The following TGFA variants were observed in gnomAD, a reference collection of about 807,000 sequenced individuals.
TGFA encodes protransforming growth factor alpha.
A neutral mutation model predicts 21.7 loss-of-function variants in TGFA; 12 were observed. The ratio of observed to expected loss-of-function variants is 0.55; its 90% CI spans 0.35 to 0.90. The LOEUF is 0.90. TGFA is among the 40% of genes least tolerant of loss of function. The probability of loss-of-function intolerance (pLI) is 0.01; values close to 1 mark genes in which losing one functional copy is unlikely to be tolerated. For missense variants in TGFA, 178 were observed against 210.8 expected, an observed-to-expected ratio of 0.84 and a Z score of 0.96; for synonymous variants, 79 against 88.1, an observed-to-expected ratio of 0.90 and a Z score of 0.58.
At chr2:70,515,561 C>T (rs1447827590) in intron 1 of TGFA, among the ~76,000 whole-genome samples, 1 of 152,122 alleles carries the variant, frequency 6.6e-6, no homozygotes, top group African/African-American at 2.4e-5. Flanking sequence ...GCTGTCCCAA[C>T]CCAAGATGGA....
At chr2:70,550,866 C>T (rs1673480496) in intron 1 of TGFA, among the ~76,000 whole-genome samples, 1 of 152,170 alleles carries the variant, frequency 6.6e-6, no homozygotes, top group Non-Finnish European at 1.5e-5. Flanking sequence ...AACAAAAAAA[C>T]CCTCCAGATT....
chr2:70,488,014 TG>T (rs782081952), intron 2 of TGFA, among the ~76,000 whole-genome samples: 9 of 152,242 alleles, frequency 5.9e-5, no homozygotes, highest in Non-Finnish European at 1.3e-4. Flanking sequence ...TTCGTGGCAA[TG>T]TATAAGAATC....
chr2:70,470,747 A>G (rs1192164796), intron 2 of TGFA, among the ~76,000 whole-genome samples: 2 of 152,160 alleles, frequency 1.3e-5, no homozygotes, highest in Non-Finnish European at 2.9e-5. Flanking sequence ...CTTAGAGTGC[A>G]AGTTCCTGGT....
At chr2:70,485,164 T>A (rs1251412016) in intron 2 of TGFA, among the ~76,000 whole-genome samples, 4 of 152,116 alleles carry the variant, frequency 2.6e-5, no homozygotes, top group African/African-American at 9.7e-5. Context: ...CAATACTGTG[T>A]TCTGTAGCCT....
At chr2:70,531,736 G>A (rs1553503739) in intron 1 of TGFA, among the ~76,000 whole-genome samples, 1 of 152,164 alleles carries the variant, frequency 6.6e-6, no homozygotes, top group Non-Finnish European at 1.5e-5. Flanking sequence ...AACAATATCT[G>A]CTGCTATGTC....
Position 70,465,754 on chromosome 2 carries a change from G to T in TGFA, c.95-18C>A. The T allele has an allele frequency of 6.2e-7, 1 of 1,613,240 alleles. No individual in the cohort carries two copies. The highest frequency in any genetic ancestry group is 8.5e-7 in the Non-Finnish European group (1 of 1,179,824). On this transcript the variant is annotated intron_variant, in intron 2 of 5. Transcript: ENST00000295400. Reference sequence around the variant, plus strand: ...CGGGTCTGCTGGGGAGAGGAAAGATGCAGGGCTCAGATCCAGGAACAGCTG... The same window carrying T: ...CGGGTCTGCTGGGGAGAGGAAAGATTCAGGGCTCAGATCCAGGAACAGCTG...
intron 3 of TGFA, among the ~76,000 whole-genome samples, chr2:70,458,804 C>T (rs1670320040): frequency 6.6e-6 from 1 of 152,232 alleles, no homozygotes; most frequent in Admixed American, 6.5e-5. Context: ...CTATGCCCAC[C>T]TTTCTGACTG....
intron 2 of TGFA, among the ~76,000 whole-genome samples, chr2:70,495,706 G>A (rs11466228): frequency 0.057 from 8,667 of 152,110 alleles, 299 homozygotes; most frequent in Middle Eastern, 0.13. Context: ...TATGATTATT[G>A]TTATTTGAGG....
At chr2:70,484,016 T>A (rs7579741) in intron 2 of TGFA, among the ~76,000 whole-genome samples, 9,386 of 152,310 alleles carry the variant, frequency 0.062, 365 homozygotes, top group Middle Eastern at 0.12. Context: ...TGGCCTGGCC[T>A]TATTCCCTTG....
chr2:70,543,017 C>CGCTTGAACCCGGGAGGTGGAG (rs1244013632), intron 1 of TGFA, among the ~76,000 whole-genome samples: 7 of 151,506 alleles, frequency 4.6e-5, no homozygotes, highest in African/African-American at 1.5e-4. Context: ...GCAGGAGAAT[C>CGCTTGAACCCGGGAGGTGGAG]GCTTGAACCC....
At chr2:70,536,700 T>G (rs1023614003) in intron 1 of TGFA, among the ~76,000 whole-genome samples, 3 of 152,204 alleles carry the variant, frequency 2.0e-5, no homozygotes, top group Non-Finnish European at 2.9e-5. Flanking sequence ...GCAAAAGCAG[T>G]GCTTAGAGGA....
intron 3 of TGFA, among the ~76,000 whole-genome samples, chr2:70,456,821 G>A (rs188469644): frequency 1.2e-3 from 175 of 151,244 alleles, no homozygotes; most frequent in Non-Finnish European, 1.9e-3. Flanking sequence ...CCTCATGTTG[G>A]CAGTTCATAA....
At chr2:70,532,489 G>A (rs565528764) in intron 1 of TGFA, among the ~76,000 whole-genome samples, 1 of 152,226 alleles carries the variant, frequency 6.6e-6, no homozygotes, top group Non-Finnish European at 1.5e-5. Context: ...GGGAAGAGGA[G>A]CATGCACACA....
intron 2 of TGFA, among the ~76,000 whole-genome samples, chr2:70,482,035 A>G (rs1272772620): frequency 2.6e-5 from 4 of 152,222 alleles, no homozygotes; most frequent in Non-Finnish European, 2.9e-5. Flanking sequence ...AGCAATAAAT[A>G]ACATACACTT....
intron 1 of TGFA, among the ~76,000 whole-genome samples, chr2:70,541,391 A>G (rs1673127506): frequency 6.6e-6 from 1 of 152,232 alleles, no homozygotes; most frequent in Admixed American, 6.5e-5. Flanking sequence ...GAAAAAAATG[A>G]CTATACAAAT....
intron 1 of TGFA, chr2:70,553,331 T>G (rs1553507130): frequency 6.7e-7 from 1 of 1,498,166 alleles, no homozygotes; most frequent in East Asian, 2.5e-5. Context: ...CCGGCCCCCG[T>G]TCCGAGGCGG....
At chr2:70,544,144 T>C (rs1274402036) in intron 1 of TGFA, among the ~76,000 whole-genome samples, 1 of 152,040 alleles carries the variant, frequency 6.6e-6, no homozygotes, top group Non-Finnish European at 1.5e-5. Context: ...TGTGTATATA[T>C]AATATATAAC....
Position 70,497,423 on chromosome 2 carries a change from A to C in TGFA, c.94+17436T>G, listed in dbSNP as rs562831949. ...ATTGCTAAGCATTTCTGTTCAATTC[A>C]GTGAATCTCCAAGGTCCACAACCAG... On this transcript the variant is annotated intron_variant, in intron 2 of 5. Transcript: ENST00000295400. 3.3e-5 allele frequency among the ~76,000 whole-genome samples: 5 copies of C among 152,358 alleles called. No individual in the cohort carries two copies. In the South Asian group the frequency reaches 1.0e-3, roughly 32 times the overall value.
At chr2:70,458,002 TA>T (rs1670290394) in intron 3 of TGFA, among the ~76,000 whole-genome samples, 1 of 152,158 alleles carries the variant, frequency 6.6e-6, no homozygotes, top group Admixed American at 6.5e-5. Flanking sequence ...GCTTTTAGAT[TA>T]AAAGGCCCTT....
Sources: allele counts gnomAD v4.1 joint callset (sites outside exome capture counted in the v4.1 genomes callset), GRCh38; gene constraint gnomAD v4.1.1; transcripts MANE v1.5; gene names NCBI Gene and HGNC (gene_info 2026-07-23, HGNC 2026-07-21).